The following IL1RAPL1 variants were observed in gnomAD, a reference collection of about 807,000 sequenced individuals.
The protein encoded by IL1RAPL1 is interleukin 1 receptor accessory protein like 1, also known as interleukin-1 receptor accessory protein-like 1.
IL1RAPL1 carries 3 observed loss-of-function variants against 48.4 expected under a neutral mutation model. The observed-to-expected ratio is 0.06, with a 90% confidence interval of 0.03 to 0.16. IL1RAPL1 has a LOEUF of 0.16. Ranked by LOEUF, IL1RAPL1 falls within the 10% of genes least tolerant of loss-of-function variation. IL1RAPL1 has a pLI of 1.00. For synonymous variants in IL1RAPL1, 185 were observed against 187.7 expected, an observed-to-expected ratio of 0.99 and a Z score of 0.12; for missense variants, 349 against 530.6, an observed-to-expected ratio of 0.66 and a Z score of 3.36.
intron 1 of IL1RAPL1, among the ~76,000 whole-genome samples, chrX:28,687,920 G>A (rs1219977112): frequency 4.5e-5 from 5 of 110,854 alleles, no homozygotes; most frequent in Non-Finnish European, 3.8e-5. Context: ...TGGCCAACAT[G>A]GCGAAACTTC....
intron 2 of IL1RAPL1, among the ~76,000 whole-genome samples, chrX:29,059,756 A>G (rs184502312): frequency 3.6e-5 from 4 of 111,911 alleles, no homozygotes; most frequent in East Asian, 2.8e-4. Flanking sequence ...CACACCATGC[A>G]TGTTGTGAAT....
chrX:29,757,890 A>G lies in IL1RAPL1; in HGVS notation c.778+89386A>G, dbSNP rs781737203. Among the ~76,000 whole-genome samples the G allele has an allele frequency of 3.1e-4, 35 of 111,587 alleles. 1 individual carries two copies. The South Asian group carries it at 0.013, about 42-fold the overall frequency. On this transcript the variant is annotated intron_variant, in intron 6 of 10. Coordinates refer to ENST00000378993, the MANE Select transcript of IL1RAPL1 (RefSeq NM_014271.4). Reference sequence around the variant, plus strand: ...CCAATTTTAATTTTTTTTAATTAGCATCTTATAGACGGAGGAAGAAGAGGG... The same window carrying G: ...CCAATTTTAATTTTTTTTAATTAGCGTCTTATAGACGGAGGAAGAAGAGGG...
At chrX:29,945,474 AAAGT>A (rs150154524) in intron 9 of IL1RAPL1, among the ~76,000 whole-genome samples, 20,274 of 111,995 alleles carry the variant, frequency 0.18, 1,429 homozygotes, top group Middle Eastern at 0.24. Context: ...AATACTTTTG[AAAGT>A]AAGATAAGGC....
At chrX:29,885,889 G>A (rs1008249260) in intron 6 of IL1RAPL1, among the ~76,000 whole-genome samples, 1 of 111,834 alleles carries the variant, frequency 8.9e-6, no homozygotes, top group Non-Finnish European at 1.9e-5. Context: ...TCACAATATA[G>A]TGCAAAACTG....
chrX:28,771,228 G>C (rs929502280), intron 1 of IL1RAPL1, among the ~76,000 whole-genome samples: 2 of 111,753 alleles, frequency 1.8e-5, no homozygotes, highest in East Asian at 5.6e-4. Context: ...ACCTGGAAAC[G>C]ATTGCATTCT....
chrX:28,738,150 T>G (rs1935867064), intron 1 of IL1RAPL1, among the ~76,000 whole-genome samples: 2 of 109,181 alleles, frequency 1.8e-5, no homozygotes, highest in Admixed American at 1.9e-4. Context: ...AATAAATAAC[T>G]CTTCCAAATA....
intron 1 of IL1RAPL1, among the ~76,000 whole-genome samples, chrX:28,695,293 G>A (rs1284362780): frequency 9.0e-6 from 1 of 110,880 alleles, no homozygotes; most frequent in Non-Finnish European, 1.9e-5. Flanking sequence ...ATTTACAGAG[G>A]AGGCACTGAG....
intron 5 of IL1RAPL1, among the ~76,000 whole-genome samples, chrX:29,570,943 C>T (rs1486552989): frequency 8.9e-6 from 1 of 112,515 alleles, no homozygotes; most frequent in Admixed American, 9.4e-5. Context: ...TTTGTCTAGC[C>T]AGGCGCGGTG....
intron 3 of IL1RAPL1, among the ~76,000 whole-genome samples, chrX:29,380,234 TG>T (rs1413362849): frequency 9.0e-6 from 1 of 111,386 alleles, no homozygotes; most frequent in Non-Finnish European, 1.9e-5. Flanking sequence ...TGTGTTTTTT[TG>T]TTTGTTTTTG....
chrX:29,650,154 G>A (rs766122004), intron 5 of IL1RAPL1, among the ~76,000 whole-genome samples: 7 of 111,515 alleles, frequency 6.3e-5, no homozygotes, highest in Admixed American at 4.8e-4. Context: ...AAGAATATTT[G>A]TATTCACAAA....
intron 6 of IL1RAPL1, among the ~76,000 whole-genome samples, chrX:29,807,887 G>T (rs1930293033): frequency 9.0e-6 from 1 of 110,964 alleles, no homozygotes. Context: ...AAATAGCAAA[G>T]AAACATATGA....
At chrX:28,892,471 A>C (rs1023975309) in intron 2 of IL1RAPL1, among the ~76,000 whole-genome samples, 3 of 110,886 alleles carry the variant, frequency 2.7e-5, no homozygotes, top group Non-Finnish European at 5.7e-5. Flanking sequence ...AGGCCATTTA[A>C]ATTTTACTTC....
chrX:29,905,653 T>G (rs1932596492), intron 6 of IL1RAPL1, among the ~76,000 whole-genome samples: 1 of 111,303 alleles, frequency 9.0e-6, no homozygotes, highest in Admixed American at 9.6e-5. Flanking sequence ...TGTTGCTGAT[T>G]CTTATATTTG....
At chrX:29,945,496 G>A (rs1239810630) in intron 9 of IL1RAPL1, among the ~76,000 whole-genome samples, 1 of 112,473 alleles carries the variant, frequency 8.9e-6, no homozygotes, top group African/African-American at 3.2e-5. Context: ...GGCAAAAAGT[G>A]TGAAAAATAA....
At chrX:29,951,243 C>T (rs1271026531) in intron 9 of IL1RAPL1, among the ~76,000 whole-genome samples, 2 of 112,048 alleles carry the variant, frequency 1.8e-5, no homozygotes, top group African/African-American at 6.5e-5. Flanking sequence ...TGAGCATCTA[C>T]TAAGCCCCAG....
intron 2 of IL1RAPL1, among the ~76,000 whole-genome samples, chrX:29,076,983 A>T (rs897720935): frequency 8.9e-6 from 1 of 112,454 alleles, no homozygotes; most frequent in Non-Finnish European, 1.9e-5. Context: ...CATGCAGCTA[A>T]AGGTCGAGGG....
At chrX:29,197,768 G>C (rs1384668479) in intron 2 of IL1RAPL1, among the ~76,000 whole-genome samples, 1 of 105,630 alleles carries the variant, frequency 9.5e-6, no homozygotes, top group Non-Finnish European at 1.9e-5. Flanking sequence ...GAGTGCAGTG[G>C]TGCAATCTCG....
chrX:29,699,503 C>A (rs1569149052), intron 6 of IL1RAPL1, among the ~76,000 whole-genome samples: 1 of 112,264 alleles, frequency 8.9e-6, no homozygotes, highest in Non-Finnish European at 1.9e-5. Flanking sequence ...GGAGACAGTT[C>A]TTGGATTTAA....
intron 1 of IL1RAPL1, among the ~76,000 whole-genome samples, chrX:28,704,020 G>A (rs1272876176): frequency 3.6e-5 from 4 of 111,726 alleles, no homozygotes; most frequent in Non-Finnish European, 5.7e-5. Context: ...GGGAAATGGA[G>A]TATATAATTG....
Sources: gnomAD v4.1 joint callset for allele counts (sites outside exome capture counted in the v4.1 genomes callset) on GRCh38, gnomAD v4.1.1 for gene constraint, MANE v1.5 for transcripts, NCBI Gene and HGNC (gene_info 2026-07-23, HGNC 2026-07-21) for gene names.